NPHS1: variants seen among roughly 807,000 people sequenced by gnomAD.
NPHS1 encodes the protein NPHS1 adhesion molecule, nephrin.
NPHS1 carries 107 observed loss-of-function variants against 139.7 expected under a neutral mutation model. That is an observed-to-expected ratio of 0.77 (90% CI 0.66 to 0.90). The LOEUF (loss-of-function observed/expected upper bound fraction) is 0.90. Ranked by LOEUF, NPHS1 falls within the 40% of genes least tolerant of loss-of-function variation. NPHS1 has a pLI of 0.00. For missense variants in NPHS1, 1,580 were observed against 1,654.2 expected (o/e 0.96, Z 0.78); for synonymous variants, 707 against 706.6 (o/e 1.00, Z -0.01).
intron 20 of NPHS1, among the ~76,000 whole-genome samples, chr19:35,840,525 G>A (rs1392449841): frequency 1.3e-5 from 2 of 150,272 alleles, no homozygotes; most frequent in Admixed American, 6.7e-5. Context: ...TAGTACAGAC[G>A]GGTTTTCACT....
chr19:35,828,792 C>T (rs1489982747), intron 28 of NPHS1, among the ~76,000 whole-genome samples: 1 of 152,252 alleles, frequency 6.6e-6, no homozygotes, highest in African/African-American at 2.4e-5. Context: ...GCATTTACTA[C>T]TATCCGGCCC....
At position 35,851,553 on chromosome 19, in the gene NPHS1, T is replaced by C. The variant is rs368676192; in HGVS notation, c.178A>G (p.Ser60Gly). Residue 60 changes from serine (S) to glycine (G), a missense_variant, in exon 2 of 29, where the codon AGT becomes GGT. Coordinates refer to ENST00000378910, the MANE Select transcript of NPHS1 (RefSeq NM_004646.4). ...ELRCGVSTPGSAVQWAKDGLL... is the reference protein window; with the variant it reads ...ELRCGVSTPGGAVQWAKDGLL... ...CCATCTTTGGCCCATTGCACCGCAC[T>C]GCCAGGGGTGCTGACCCCACAACGC... The C allele has an allele frequency of 1.2e-6, 2 of 1,613,954 alleles. No homozygotes were observed. The highest frequency in any genetic ancestry group is 1.1e-5 in the South Asian group (1 of 91,078).
At chr19:35,834,236 A>G (rs2146810521) in intron 23 of NPHS1, among the ~76,000 whole-genome samples, 1 of 152,206 alleles carries the variant, frequency 6.6e-6, no homozygotes, top group Non-Finnish European at 1.5e-5. Flanking sequence ...GACCCCCGTG[A>G]CCACCTCCAT....
At chr19:35,831,801 C>G in intron 23 of NPHS1, 39 bp from the exon 24 acceptor site, 2 of 1,548,404 alleles carry the variant, frequency 1.3e-6, no homozygotes, top group Non-Finnish European at 1.7e-6. Context: ...TCCCAGACAA[C>G]AGGCTGTAGG....
chr19:35,839,322 T>C lies in NPHS1; in HGVS notation c.3024A>G (p.Arg1008=), dbSNP rs1131691606. The C allele has an allele frequency of 1.2e-6, 2 of 1,614,206 alleles. No individual in the cohort carries two copies. Among genetic ancestry groups the C allele is most frequent in the Admixed American group, 1.7e-5 (1 of 60,012 alleles). The change falls in exon 22 of 29, where the codon AGA becomes AGG. Residue 1008 remains arginine, a synonymous_variant. Coordinates refer to ENST00000378910, the MANE Select transcript of NPHS1 (RefSeq NM_004646.4). ...FTLTGLQPST[R]YRVWLLASNA... Reference sequence around the variant, plus strand: ...TACTGGCCAGCAGCCAGACCCTGTATCTTGTAGAAGGCTGTAGACCAGTCA... The same window carrying C: ...TACTGGCCAGCAGCCAGACCCTGTACCTTGTAGAAGGCTGTAGACCAGTCA...
intron 4 of NPHS1, 79 bp from the exon 5 acceptor site, chr19:35,850,524 A>G: frequency 7.9e-7 from 1 of 1,263,138 alleles, no homozygotes; most frequent in Non-Finnish European, 1.2e-6. Context: ...GGAAGTCCTC[A>G]GGGTGGGTGC....
At position 35,848,670 on chromosome 19, in the gene NPHS1, C is replaced by T; in HGVS notation, c.1137G>A (p.Arg379=). 1 of 1,614,060 alleles carries T rather than the reference C, an allele frequency of 6.2e-7. No individual in the cohort carries two copies. Among genetic ancestry groups the T allele is most frequent in the Non-Finnish European group, 8.5e-7 (1 of 1,180,044 alleles). Residue 379 remains arginine, a synonymous_variant, in exon 9 of 29, where the codon CGG becomes CGA. Transcript: ENST00000378910. ...RVLLRWWLGW[R]QLLPMEETVM... is the part of the protein sequence containing the mutation. ...CTGTCTCCTCCATGGGCAGCAGCTG[C>T]CGCCAGCCCAGCCACCATCGTAGCA...
In NPHS1 at chr19:35,839,580, TTTA is replaced by T; in HGVS notation, c.2840_2842del (p.Leu947_Lys948delinsTer). 1.2e-6 allele frequency: 2 copies of T among 1,614,086 alleles called. No homozygotes were observed. Among genetic ancestry groups the T allele is most frequent in the Non-Finnish European group, 1.7e-6 (2 of 1,179,994 alleles). ...GGAGTGTGGGGTCAGACTCACAACCTTTAATCCTGATGGAGGGTCAGGGCGGCC... is the reference window on the plus strand; with the variant it reads ...GGAGTGTGGGGTCAGACTCACAACCTATCCTGATGGAGGGTCAGGGCGGCC... On this transcript the variant is annotated stop_gained and inframe_deletion, in exon 21 of 29. Transcript: ENST00000378910. LOFTEE classifies it high-confidence loss of function.
At chr19:35,834,429 A>G (rs1972926329) in intron 23 of NPHS1, among the ~76,000 whole-genome samples, 1 of 152,184 alleles carries the variant, frequency 6.6e-6, no homozygotes, top group South Asian at 2.1e-4. Context: ...ACTCAGAATC[A>G]TGAGGAAGAA....
At chr19:35,847,890 T>C in intron 11 of NPHS1, 151 bp downstream of exon 11, 1 of 783,792 alleles carries the variant, frequency 1.3e-6, no homozygotes, top group East Asian at 2.7e-5. Context: ...CATTTGTGTC[T>C]TTCCTGATTC....
At chr19:35,851,200 T>A (rs908391084) in intron 3 of NPHS1, 62 bp downstream of exon 3, 9 of 1,613,026 alleles carry the variant, frequency 5.6e-6, no homozygotes, top group Admixed American at 5.0e-5. Context: ...GACTTCCGGG[T>A]TGCGGGGTAG....
rs997940357 is a variant in NPHS1 at position 35,850,217 on chromosome 19, C to G, written c.608+147G>C. ...AGGCATGAGCCACCACCTCTGTTCC[C>G]CATGAAGAAGCTTTGAGAGTCAGGA... On this transcript the variant is annotated intron_variant, in intron 5 of 28. Coordinates refer to ENST00000378910, the MANE Select transcript of NPHS1 (RefSeq NM_004646.4). The G allele has an allele frequency of 5.8e-6, 4 of 691,828 alleles. No homozygotes were observed. The African/African-American group carries it at 7.1e-5, about 12-fold the overall frequency. The allele number at this position is 691,828 out of a possible 1,614,324, so 42.9% of individuals were successfully genotyped here.
At chr19:35,844,624 G>A (rs1438144066) in intron 14 of NPHS1, among the ~76,000 whole-genome samples, 165 bp from the exon 15 acceptor site, 1 of 152,222 alleles carries the variant, frequency 6.6e-6, no homozygotes, top group Non-Finnish European at 1.5e-5. Flanking sequence ...TAAGGTTCGG[G>A]ATAGAAGTTA....
chr19:35,840,756 T>C (rs377072564), intron 20 of NPHS1, among the ~76,000 whole-genome samples: 1 of 148,000 alleles, frequency 6.8e-6, no homozygotes, highest in East Asian at 2.0e-4. Flanking sequence ...TGGCGCGAAC[T>C]CAGCTCACTG....
In NPHS1 at chr19:35,831,637, C is replaced by T. The variant is rs1972885791; in HGVS notation, c.3286+6G>A. 1.2e-6 allele frequency: 2 copies of T among 1,613,406 alleles called. No individual in the cohort carries two copies. Reference sequence around the variant, plus strand: ...TCCACCCTGGCAGGGAAGGGTCTCTCCTCACCCTCAGCAAGACGCCTGAGT... The same window carrying T: ...TCCACCCTGGCAGGGAAGGGTCTCTTCTCACCCTCAGCAAGACGCCTGAGT... On this transcript the variant is annotated splice_donor_region_variant and intron_variant, in intron 24 of 28. Coordinates refer to ENST00000378910, the MANE Select transcript of NPHS1 (RefSeq NM_004646.4).
rs1224306187 is a variant in NPHS1, at chr19:35,852,312, C to G, written c.-475G>C. Among the ~76,000 whole-genome samples, 2 of 150,746 alleles carry G rather than the reference C, an allele frequency of 1.3e-5. No homozygotes were observed. Among genetic ancestry groups the G allele is most frequent in the African/African-American group, 2.4e-5 (1 of 41,260 alleles). On this transcript the variant is annotated 5_prime_UTR_variant, in exon 1 of 29. Transcript: ENST00000378910. Reference sequence around the variant, plus strand: ...TCTCTTCCTCTCTCTCTGTCTCTCTCTCTCTCTCTCTCTCAATCTCTATCT... The same window carrying G: ...TCTCTTCCTCTCTCTCTGTCTCTCTGTCTCTCTCTCTCTCAATCTCTATCT...
chr19:35,843,967 C>T, intron 16 of NPHS1, 136 bp downstream of exon 16: 3 of 1,262,064 alleles, frequency 2.4e-6, no homozygotes, highest in South Asian at 1.4e-5. Flanking sequence ...GGTTACACCG[C>T]GGCTGGGACT....
In NPHS1 at chr19:35,835,720, T is replaced by C. The variant is rs140673499; in HGVS notation, c.3151A>G (p.Thr1051Ala). The C allele has an allele frequency of 1.3e-4, 206 of 1,613,558 alleles. No homozygotes were observed. Among genetic ancestry groups the C allele is most frequent in the Middle Eastern group, 8.3e-4 (5 of 6,058 alleles). ...PSGEPEDQLP[T>A]EPPSGPSGLP... ...GAGGACTTGCCTGAAGGTGGCTCTG[T>C]GGGCAGCTGGTCTTCAGGTTCTCCA... The change falls in exon 23 of 29, where the codon ACA becomes GCA. Residue 1051 changes from threonine (T) to alanine (A), a missense_variant. Transcript: ENST00000378910.
intron 23 of NPHS1, among the ~76,000 whole-genome samples, chr19:35,834,567 T>C (rs1972928281): frequency 2.0e-5 from 3 of 151,728 alleles, no homozygotes; most frequent in African/African-American, 4.9e-5. Context: ...GAGAAGAAAA[T>C]TTATCACTCC....
Sources: gnomAD v4.1 joint callset for allele counts (sites outside exome capture counted in the v4.1 genomes callset) on GRCh38, gnomAD v4.1.1 for gene constraint, MANE v1.5 for transcripts, NCBI Gene and HGNC (gene_info 2026-07-23, HGNC 2026-07-21) for gene names.